The following PAPOLG variants were observed in gnomAD, a reference collection of about 807,000 sequenced individuals.
PAPOLG encodes the protein poly(A) polymerase gamma.
PAPOLG carries 40 observed loss-of-function variants against 99.0 expected under a neutral mutation model. That is an observed-to-expected ratio of 0.40 (90% CI 0.31 to 0.53). PAPOLG has a LOEUF of 0.53. PAPOLG is among the 20% of genes least tolerant of loss of function. The pLI is 0.41. For synonymous variants in PAPOLG, 310 were observed against 299.3 expected, an observed-to-expected ratio of 1.04 and a Z score of -0.37; for missense variants, 675 against 884.1, an observed-to-expected ratio of 0.76 and a Z score of 3.00.
intron 3 of PAPOLG, among the ~76,000 whole-genome samples, chr2:60,763,081 A>T (rs968735734): frequency 2.2e-5 from 3 of 135,856 alleles, no homozygotes; most frequent in African/African-American, 5.5e-5. Context: ...ATTTTATTTT[A>T]TTTTTTTTTT....
At chr2:60,788,841 C>CA (rs533911235) in intron 15 of PAPOLG, among the ~76,000 whole-genome samples, 1 of 151,524 alleles carries the variant, frequency 6.6e-6, no homozygotes, top group African/African-American at 2.4e-5. Context: ...ACAAAAAATA[C>CA]AAAAAAAAGT....
Position 60,797,348 on chromosome 2 carries a change from T to TGAGA in PAPOLG, c.*190_*191insGAGA. On this transcript the variant is annotated 3_prime_UTR_variant, in exon 22 of 22. Coordinates refer to ENST00000238714, the MANE Select transcript of PAPOLG (RefSeq NM_022894.4). ...TGTAGATGCTGTAGCATTCTCTCAC[T>TGAGA]GATTGCTACATACACTTCTCTGAGG... 3 of 648,496 alleles carry TGAGA rather than the reference T, an allele frequency of 4.6e-6. No homozygotes were observed. Among genetic ancestry groups the TGAGA allele is most frequent in the Non-Finnish European group, 7.9e-6 (3 of 378,278 alleles). 40.2% of individuals were successfully genotyped at this position (648,496 alleles called of 1,614,324 possible).
intron 6 of PAPOLG, among the ~76,000 whole-genome samples, chr2:60,771,124 C>T (rs942036057): frequency 2.0e-5 from 3 of 152,060 alleles, no homozygotes; most frequent in Admixed American, 2.0e-4. Context: ...GTTCTTTGTC[C>T]TAGTGAATTT....
chr2:60,782,875 G>T (rs566560679), intron 12 of PAPOLG, 105 bp downstream of exon 12: 1 of 1,319,696 alleles, frequency 7.6e-7, no homozygotes, highest in Non-Finnish European at 1.0e-6. Context: ...TATTTCTTAA[G>T]CAAGAGAGAA....
intron 7 of PAPOLG, among the ~76,000 whole-genome samples, chr2:60,771,930 A>G (rs1670864433): frequency 1.3e-5 from 2 of 152,170 alleles, no homozygotes; most frequent in African/African-American, 4.8e-5. Context: ...GTCAATATTT[A>G]CCATGTTAAA....
chr2:60,765,322 C>A (rs1334919724), intron 3 of PAPOLG, among the ~76,000 whole-genome samples: 1 of 149,516 alleles, frequency 6.7e-6, no homozygotes, highest in African/African-American at 2.5e-5. Context: ...AAGTGATCCT[C>A]CTGCTTTGGC....
intron 8 of PAPOLG, among the ~76,000 whole-genome samples, chr2:60,779,335 G>A (rs967756009): frequency 5.9e-5 from 9 of 152,162 alleles, no homozygotes; most frequent in Non-Finnish European, 1.2e-4. Flanking sequence ...TAGTATCAGT[G>A]GAGCCCAGTT....
chr2:60,787,981 G>A (rs1339627175), intron 15 of PAPOLG, among the ~76,000 whole-genome samples: 4 of 151,860 alleles, frequency 2.6e-5, no homozygotes, highest in African/African-American at 9.7e-5. Context: ...GGAGGAGGTT[G>A]CAGTGAGCCG....
intron 4 of PAPOLG, 61 bp downstream of exon 4, chr2:60,768,612 A>C: frequency 3.5e-6 from 5 of 1,436,928 alleles, no homozygotes; most frequent in Non-Finnish European, 2.9e-6. Context: ...TCATAATTAG[A>C]AAATGTAGGA....
At chr2:60,770,414 A>T in intron 5 of PAPOLG, 44 bp from the exon 6 acceptor site, 1 of 1,506,814 alleles carries the variant, frequency 6.6e-7, no homozygotes, top group South Asian at 1.3e-5. Context: ...AAGGATAAAG[A>T]AGGGATTACA....
chr2:60,778,862 T>C (rs1671104068), intron 8 of PAPOLG, among the ~76,000 whole-genome samples: 1 of 152,232 alleles, frequency 6.6e-6, no homozygotes, highest in Non-Finnish European at 1.5e-5. Flanking sequence ...TTACCACATC[T>C]GAAATTGGTA....
chr2:60,789,359 TAAATAAA>T lies in PAPOLG; in HGVS notation c.1396+1755_1396+1761del, dbSNP rs78832489. ...TAAAATAAAATAGAAAATAAATAAA[TAAATAAA>T]AAATAAAAAATAAAAGACTTGATTT... On this transcript the variant is annotated intron_variant, in intron 15 of 21. Coordinates refer to ENST00000238714, the MANE Select transcript of PAPOLG (RefSeq NM_022894.4). 3.7e-3 allele frequency among the ~76,000 whole-genome samples: 566 copies of T among 151,506 alleles called. 12 individuals are homozygous for T. The South Asian group carries it at 0.057, about 15-fold the overall frequency.
rs576602532 is a variant in PAPOLG at position 60,777,482 on chromosome 2, CA to C, written c.695-2153del. On this transcript the variant is annotated intron_variant, in intron 8 of 21. Transcript: ENST00000238714. Reference sequence around the variant, plus strand: ...AAAAAAAATTTTTTTTTTCTGTCAGCAATAAAGCAGTTTTACTTTTTTTGTC... The same window carrying C: ...AAAAAAAATTTTTTTTTTCTGTCAGCATAAAGCAGTTTTACTTTTTTTGTC... 5.9e-5 allele frequency among the ~76,000 whole-genome samples: 9 copies of C among 152,144 alleles called. No homozygotes were observed. In the East Asian group the frequency reaches 1.7e-3, roughly 29 times the overall value.
chr2:60,791,586 A>G (rs1341590371), intron 15 of PAPOLG, 175 bp from the exon 16 acceptor site: 3 of 584,020 alleles, frequency 5.1e-6, no homozygotes, highest in Admixed American at 7.0e-5. Flanking sequence ...CATGAATAGG[A>G]TTGTGATGTG....
At chr2:60,780,329 A>G (rs1005026601) in intron 9 of PAPOLG, among the ~76,000 whole-genome samples, 14 of 148,036 alleles carry the variant, frequency 9.5e-5, no homozygotes, top group Non-Finnish European at 1.5e-4. Flanking sequence ...TGCCCAGGCT[A>G]GAGTGCATGC....
chr2:60,772,036 C>CTT (rs566462438), intron 7 of PAPOLG, among the ~76,000 whole-genome samples: 3 of 144,284 alleles, frequency 2.1e-5, no homozygotes, highest in African/African-American at 7.6e-5. Context: ...AGAATGGCTT[C>CTT]TTTTTTTTTT....
chr2:60,795,966 G>A (rs1671682979), intron 21 of PAPOLG, among the ~76,000 whole-genome samples: 1 of 152,064 alleles, frequency 6.6e-6, no homozygotes, highest in Non-Finnish European at 1.5e-5. Context: ...AGTCTAAAGG[G>A]AAAGTGGGTA....
At chr2:60,782,045 A>T in intron 11 of PAPOLG, 40 bp downstream of exon 11, 3 of 1,591,374 alleles carry the variant, frequency 1.9e-6, no homozygotes, top group African/African-American at 1.3e-5. Flanking sequence ...TATTCCCACA[A>T]GTTTTTGGTT....
At chr2:60,795,965 G>C (rs1019983167) in intron 21 of PAPOLG, among the ~76,000 whole-genome samples, 4 of 152,016 alleles carry the variant, frequency 2.6e-5, no homozygotes, top group Admixed American at 1.3e-4. Flanking sequence ...CAGTCTAAAG[G>C]GAAAGTGGGT....
Sources: gnomAD v4.1 joint callset for allele counts (sites outside exome capture counted in the v4.1 genomes callset) on GRCh38, gnomAD v4.1.1 for gene constraint, MANE v1.5 for transcripts, NCBI Gene and HGNC (gene_info 2026-07-23, HGNC 2026-07-21) for gene names.